Variants in TTYH1 observed in about 807,000 individuals in gnomAD.
The protein encoded by TTYH1 is protein tweety homolog 1.
Under a neutral mutation model 61.2 loss-of-function variants are expected in TTYH1, and 33 were observed. The ratio of observed to expected loss-of-function variants is 0.54; its 90% CI spans 0.41 to 0.72. The LOEUF is 0.72. TTYH1 is among the 30% of genes least tolerant of loss of function. The probability of loss-of-function intolerance (pLI) is 0.00; values close to 1 mark genes in which losing one functional copy is unlikely to be tolerated. For synonymous variants in TTYH1, 308 were observed against 266.4 expected (o/e 1.16, Z -1.52); for missense variants, 538 against 575.8 (o/e 0.93, Z 0.67).
At chr19:54,422,622 C>T (rs1173538166) in intron 4 of TTYH1, among the ~76,000 whole-genome samples, 1 of 152,046 alleles carries the variant, frequency 6.6e-6, no homozygotes, top group Non-Finnish European at 1.5e-5. Flanking sequence ...ATGATCCAGC[C>T]ACCATGACAA....
Position 54,425,712 on chromosome 19 carries a change from CTTT to C in TTYH1, c.639-950_639-948del, listed in dbSNP as rs57839696. Among the ~76,000 whole-genome samples the C allele has an allele frequency of 8.5e-3, 1,249 of 146,690 alleles. 15 individuals are homozygous for C. The highest frequency in any genetic ancestry group is 0.029 in the African/African-American group (1,177 of 39,962). On this transcript the variant is annotated intron_variant, in intron 4 of 13. Transcript: ENST00000376530. Reference sequence around the variant, plus strand: ...CCCTTCACTGATATTTAAGGATTAACTTTTTTTTTTTTTCATTTTTGAGACTAA... The same window carrying C: ...CCCTTCACTGATATTTAAGGATTAACTTTTTTTTTTCATTTTTGAGACTAA...
chr19:54,418,553 A>G (rs1287412225), intron 1 of TTYH1: 1 of 151,816 alleles, frequency 6.6e-6, no homozygotes, highest in Non-Finnish European at 1.5e-5. Context: ...TCTTGCATAC[A>G]CACACACACA....
intron 5 of TTYH1, among the ~76,000 whole-genome samples, chr19:54,427,317 A>T (rs1390544063): frequency 7.0e-6 from 1 of 142,768 alleles, no homozygotes; most frequent in Non-Finnish European, 1.5e-5. Flanking sequence ...AAAAAAAAAA[A>T]AAAAAAGGCT....
Position 54,415,569 on chromosome 19 carries a change from G to A in TTYH1, c.17G>A (p.Gly6Asp). Residue 6 changes from glycine to aspartate, a missense_variant, in exon 1 of 14, where the codon GGC (glycine) becomes GAC (aspartate). Transcript: ENST00000376530. This position sits in a 1 kb window ranked among gnomAD's most constrained non-coding sequence, Gnocchi z 5.2. MGAPP[G>D]YRPSAWVHLL... ...CCGGGGGCCATGGGGGCGCCCCCGG[G>A]CTACCGGCCCTCAGCTTGGGTGCAT... 3 of 1,489,314 alleles carry A rather than the reference G, an allele frequency of 2.0e-6. No homozygotes were observed. The highest frequency in any genetic ancestry group is 1.8e-6 in the Non-Finnish European group (2 of 1,125,232). The allele number at this position is 1,489,314 out of a possible 1,614,324, so 92.3% of individuals were successfully genotyped here. A position where few individuals can be genotyped will look rare whatever the true frequency, so the allele number is the denominator to read the frequency against.
chr19:54,422,365 G>T lies in TTYH1; in HGVS notation c.593G>T (p.Ser198Ile). 4 of 1,575,650 alleles carry T rather than the reference G, an allele frequency of 2.5e-6. No homozygotes were observed. The highest frequency in any genetic ancestry group is 3.4e-6 in the Non-Finnish European group (4 of 1,161,290). The part of the protein sequence containing the change: ...GLAFWQGVPL[S>I]PLQVAENVSF... The stretch of plus-strand genomic sequence containing the variant: ...GCCTTCTGGCAGGGAGTGCCCCTGA[G>T]CCCCCTGCAGGTGGCTGAAAATGTG... Residue 198 changes from serine (S) to isoleucine (I), a missense_variant, in exon 4 of 14, where the codon AGC becomes ATC. By Grantham distance (142) the Ser-to-Ile change is moderately radical (BLOSUM62 -2). Transcript: ENST00000376530.
At chr19:54,418,988 C>T in intron 1 of TTYH1, 140 bp from the exon 2 acceptor site, 2 of 823,218 alleles carry the variant, frequency 2.4e-6, no homozygotes, top group Non-Finnish European at 3.7e-6. Context: ...GGGACCCAAT[C>T]TCCCCCAAGA....
intron 10 of TTYH1, chr19:54,433,463 G>A (rs1372992541): frequency 1.3e-5 from 2 of 151,796 alleles, no homozygotes; most frequent in African/African-American, 4.8e-5. Flanking sequence ...AGGAGGCTGA[G>A]GCACGAGAAT....
At chr19:54,430,188 C>T (rs1266834061) in intron 7 of TTYH1, among the ~76,000 whole-genome samples, 5 of 152,156 alleles carry the variant, frequency 3.3e-5, no homozygotes, top group African/African-American at 1.2e-4. Flanking sequence ...CTGGCAGCGC[C>T]TCTCCTGGTG....
chr19:54,422,034 C>T (rs1323209254), intron 3 of TTYH1, among the ~76,000 whole-genome samples, 156 bp from the exon 4 acceptor site: 2 of 152,120 alleles, frequency 1.3e-5, no homozygotes, highest in South Asian at 4.1e-4. Context: ...AAGCCCCTCC[C>T]CAATCCCTTC....
In TTYH1 at chr19:54,416,725, T is replaced by C; in HGVS notation, c.126+1047T>C. 2 of 1,286,244 alleles carry C rather than the reference T, an allele frequency of 1.6e-6. No homozygotes were observed. The highest frequency in any genetic ancestry group is 2.0e-6 in the Non-Finnish European group (2 of 985,410). 79.7% of individuals were successfully genotyped at this position (1,286,244 alleles called of 1,614,324 possible). A position where few individuals can be genotyped will look rare whatever the true frequency, so the allele number is the denominator to read the frequency against. On this transcript the variant is annotated intron_variant, in intron 1 of 13. Coordinates refer to ENST00000376530, the MANE Select transcript of TTYH1 (RefSeq NM_020659.4). This position sits in a 1 kb window ranked among gnomAD's most constrained non-coding sequence, Gnocchi z 7.0. ...GGCTGGCACAGCCCTGAGCAGCTCT[T>C]CCCCGCCTGCTCCTCGCCGCCCCCT...
chr19:54,425,268 C>T (rs536441616), intron 4 of TTYH1, among the ~76,000 whole-genome samples: 6 of 152,194 alleles, frequency 3.9e-5, no homozygotes, highest in East Asian at 1.9e-4. Flanking sequence ...CAGTGGTGGA[C>T]GGCGAGCGAA....
rs546622792 is a variant in TTYH1, at chr19:54,418,248, C to T, written c.127-880C>T. 3 of 152,424 alleles carry T rather than the reference C, an allele frequency of 2.0e-5. No homozygotes were observed. The East Asian group carries it at 5.8e-4, about 29-fold the overall frequency. The allele number at this position is 152,424 out of a possible 1,614,324, so 9.4% of individuals were successfully genotyped here. ...GAGAGCCCTGTTATTCTGCAAGGCTCTGCCCACCGCAGAACGTTTCCGCGG... is the reference window on the plus strand; with the variant it reads ...GAGAGCCCTGTTATTCTGCAAGGCTTTGCCCACCGCAGAACGTTTCCGCGG... On this transcript the variant is annotated intron_variant, in intron 1 of 13. Transcript: ENST00000376530.
At position 54,422,419 on chromosome 19, in the gene TTYH1, C is replaced by T. The variant is rs1254081608; in HGVS notation, c.638+9C>T. On this transcript the variant is annotated intron_variant, in intron 4 of 13. Transcript: ENST00000376530. ...TTTGTGGAGGAGTACAGGTGAGACGCTGCTCTTCTTGCTCTCTGTGCCGGC... is the reference window on the plus strand; with the variant it reads ...TTTGTGGAGGAGTACAGGTGAGACGTTGCTCTTCTTGCTCTCTGTGCCGGC... The T allele has an allele frequency of 6.6e-7, 1 of 1,517,744 alleles. No homozygotes were observed. Among genetic ancestry groups the T allele is most frequent in the Non-Finnish European group, 8.9e-7 (1 of 1,126,030 alleles). 94.0% of individuals were successfully genotyped at this position (1,517,744 alleles called of 1,614,324 possible).
chr19:54,427,472 C>T (rs1260363299), intron 5 of TTYH1, among the ~76,000 whole-genome samples: 7 of 151,022 alleles, frequency 4.6e-5, no homozygotes, highest in Middle Eastern at 3.4e-3. Context: ...GGCGTGGTGG[C>T]GGGCGCCTAT....
chr19:54,416,616 G>C lies in TTYH1; in HGVS notation c.126+938G>C, dbSNP rs1456369492. On this transcript the variant is annotated intron_variant, in intron 1 of 13. Transcript: ENST00000376530. This position sits in a 1 kb window ranked among gnomAD's most constrained non-coding sequence, Gnocchi z 7.0. ...GGTTGCTCCTGGGAGAAGGGGGCTG[G>C]GATTGGAGAGCTCAGGGGGCGTGGA... The C allele has an allele frequency of 1.7e-6, 1 of 585,450 alleles. No individual in the cohort carries two copies. Among genetic ancestry groups the C allele is most frequent in the Non-Finnish European group, 2.6e-6 (1 of 387,422 alleles). 36.3% of individuals were successfully genotyped at this position (585,450 alleles called of 1,614,324 possible).
intron 1 of TTYH1, among the ~76,000 whole-genome samples, chr19:54,417,807 C>T (rs145812156): frequency 7.6e-4 from 115 of 152,216 alleles, no homozygotes; most frequent in African/African-American, 2.6e-3. Flanking sequence ...CACTCATCCA[C>T]ACTGTTACAC....
At position 54,415,815 on chromosome 19, in the gene TTYH1, A is replaced by C. The variant is rs1476553430; in HGVS notation, c.126+137A>C. On this transcript the variant is annotated intron_variant, in intron 1 of 13. Coordinates refer to ENST00000376530, the MANE Select transcript of TTYH1 (RefSeq NM_020659.4). The surrounding 1 kb of genome is among the most constrained non-coding windows in gnomAD (Gnocchi z 5.2). ...GCCGGCCCGGACTTTGGGGTTTCGG[A>C]GGGAGGAGGAGCCTGGGGGCGCCCA... is the stretch of plus-strand genomic sequence containing the variant. 9.4e-7 allele frequency: 1 copy of C among 1,060,064 alleles called. No individual in the cohort carries two copies. The highest frequency in any genetic ancestry group is 1.3e-6 in the Non-Finnish European group (1 of 770,134). 65.7% of individuals were successfully genotyped at this position (1,060,064 alleles called of 1,614,324 possible).
Position 54,421,504 on chromosome 19 carries a change from C to A in TTYH1, c.417+116C>A. ...ACCCCAGGCTTGAAGCTTAGGAACCCAGATTCAGAACTTCATCCTGAGACC... is the reference window on the plus strand; with the variant it reads ...ACCCCAGGCTTGAAGCTTAGGAACCAAGATTCAGAACTTCATCCTGAGACC... On this transcript the variant is annotated intron_variant, in intron 3 of 13. Coordinates refer to ENST00000376530, the MANE Select transcript of TTYH1 (RefSeq NM_020659.4). This position sits in a 1 kb window ranked among gnomAD's most constrained non-coding sequence, Gnocchi z 4.8. 2 of 737,362 alleles carry A rather than the reference C, an allele frequency of 2.7e-6. No homozygotes were observed. Among genetic ancestry groups the A allele is most frequent in the East Asian group, 2.6e-5 (1 of 38,328 alleles). The allele number at this position is 737,362 out of a possible 1,614,324, so 45.7% of individuals were successfully genotyped here.
At position 54,416,287 on chromosome 19, in the gene TTYH1, T is replaced by A. The variant is rs2083076894; in HGVS notation, c.126+609T>A. 2 of 286,984 alleles carry A rather than the reference T, an allele frequency of 7.0e-6. No individual in the cohort carries two copies. Among genetic ancestry groups the A allele is most frequent in the South Asian group, 6.4e-5 (2 of 31,270 alleles). 17.8% of individuals were successfully genotyped at this position (286,984 alleles called of 1,614,324 possible). A position where few individuals can be genotyped will look rare whatever the true frequency, so the allele number is the denominator to read the frequency against. The stretch of plus-strand genomic sequence containing the variant: ...AGGGGTGGTCAGGGCGCTGCAGGGG[T>A]GAGGGCCGAGATGAGGCTGGGTTTG... On this transcript the variant is annotated intron_variant, in intron 1 of 13. Coordinates refer to ENST00000376530, the MANE Select transcript of TTYH1 (RefSeq NM_020659.4). This position sits in a 1 kb window ranked among gnomAD's most constrained non-coding sequence, Gnocchi z 7.0.
Sources: allele counts gnomAD v4.1 joint callset (sites outside exome capture counted in the v4.1 genomes callset), GRCh38; gene constraint gnomAD v4.1.1; non-coding constraint Gnocchi (gnomAD v3.1); transcripts MANE v1.5; gene names NCBI Gene and HGNC (gene_info 2026-07-23, HGNC 2026-07-21).